ELFN2: variants seen among roughly 807,000 people sequenced by gnomAD.
The protein encoded by ELFN2 is protein phosphatase 1 regulatory subunit 29.
ELFN2 carries 17 observed loss-of-function variants against 45.5 expected under a neutral mutation model. The ratio of observed to expected loss-of-function variants is 0.37; its 90% confidence interval spans 0.26 to 0.56. The LOEUF is 0.56. ELFN2 is among the 20% of genes least tolerant of loss of function. The pLI is 0.77. For synonymous variants in ELFN2, 550 were observed against 551.5 expected, an observed-to-expected ratio of 1.00 and a Z score of 0.04; for missense variants, 922 against 1,183.2, an observed-to-expected ratio of 0.78 and a Z score of 3.24.
chr22:37,393,396 GC>G (rs1932131926), intron 2 of ELFN2, among the ~76,000 whole-genome samples: 1 of 152,240 alleles, frequency 6.6e-6, no homozygotes, highest in Non-Finnish European at 1.5e-5. Context: ...CCTGGCACTG[GC>G]CCATCATCCT....
At chr22:37,354,645 G>C (rs545219974) in intron 1 of ELFN2, 16 of 145,662 alleles carry the variant, frequency 1.1e-4, no homozygotes, top group African/African-American at 3.8e-4. Flanking sequence ...GTACAAATGA[G>C]ATCCTACCAT....
At chr22:37,414,527 TC>T (rs1932730443) in intron 2 of ELFN2, among the ~76,000 whole-genome samples, 1 of 152,212 alleles carries the variant, frequency 6.6e-6, no homozygotes, top group African/African-American at 2.4e-5. Flanking sequence ...AACCCCTTGC[TC>T]CTTGCCTTCC....
At chr22:37,422,028 G>A (rs867679988) in intron 1 of ELFN2, among the ~76,000 whole-genome samples, 1 of 152,180 alleles carries the variant, frequency 6.6e-6, no homozygotes, top group Non-Finnish European at 1.5e-5. Context: ...GGCAGCCTTG[G>A]GATTCATTCC....
In ELFN2 at chr22:37,405,992, C is replaced by T. The variant is rs138361545; in HGVS notation, c.-463+11777G>A. Among the ~76,000 whole-genome samples, 516 of 152,018 alleles carry T rather than the reference C, an allele frequency of 3.4e-3. 3 individuals are homozygous for T. Among genetic ancestry groups the T allele is most frequent in the Middle Eastern group, 0.02 (6 of 294 alleles). On this transcript the variant is annotated intron_variant, in intron 2 of 2. Transcript: ENST00000402918. ...TCTCCACAAAAAAGTTTTTTAAAAA[C>T]TTAGCTGGGCATAGTGAGACGCACC... is the stretch of plus-strand genomic sequence containing the variant.
At chr22:37,349,727 C>T (rs1930781056) in intron 1 of ELFN2, among the ~76,000 whole-genome samples, 1 of 151,156 alleles carries the variant, frequency 6.6e-6, no homozygotes, top group South Asian at 2.1e-4. Context: ...CCACCATCAT[C>T]TTACACCTCC....
In ELFN2 at chr22:37,381,067, G is replaced by A. The variant is rs76498921; in HGVS notation, c.-462-5071C>T. Among the ~76,000 whole-genome samples the A allele has an allele frequency of 1.2e-4, 18 of 152,276 alleles. 1 individual carries two copies. The East Asian group carries it at 3.3e-3, about 28-fold the overall frequency. Reference sequence around the variant, plus strand: ...TTGAATGCTGAGCTGTGTGACATCAGGCACATTACCTAACTCCTCTGGGCT... The same window carrying A: ...TTGAATGCTGAGCTGTGTGACATCAAGCACATTACCTAACTCCTCTGGGCT... On this transcript the variant is annotated intron_variant, in intron 2 of 2. Coordinates refer to ENST00000402918, the MANE Select transcript of ELFN2 (RefSeq NM_052906.5).
intron 2 of ELFN2, among the ~76,000 whole-genome samples, chr22:37,416,211 G>A (rs1351532756): frequency 6.6e-6 from 1 of 152,228 alleles, no homozygotes; most frequent in Admixed American, 6.5e-5. Flanking sequence ...TGAATGAAAT[G>A]CTGCTTCAGG....
In ELFN2 at chr22:37,375,615, C is replaced by T; in HGVS notation, c.-81G>A. ...AGGCTGGGGCTGGCAGTACAGTCCT[C>T]CCTGGGGCCGCCACCATCTTGGGGG... On this transcript the variant is annotated 5_prime_UTR_variant, in exon 3 of 3. Coordinates refer to ENST00000402918, the MANE Select transcript of ELFN2 (RefSeq NM_052906.5). 6.9e-7 allele frequency: 1 copy of T among 1,440,370 alleles called. No individual in the cohort carries two copies. Among genetic ancestry groups the T allele is most frequent in the Non-Finnish European group, 9.2e-7 (1 of 1,090,194 alleles). The allele number at this position is 1,440,370 out of a possible 1,614,324, so 89.2% of individuals were successfully genotyped here. A position where few individuals can be genotyped will look rare whatever the true frequency, so the allele number is the denominator to read the frequency against.
intron 2 of ELFN2, among the ~76,000 whole-genome samples, chr22:37,401,818 C>A (rs1030295397): frequency 6.6e-6 from 1 of 152,226 alleles, no homozygotes; most frequent in Non-Finnish European, 1.5e-5. Context: ...TATTCTTCCC[C>A]AGCTCCACAA....
At chr22:37,364,536 C>A (rs1464358916), downstream of ELFN2, among the ~76,000 whole-genome samples, 2 of 152,122 alleles carry the variant, frequency 1.3e-5, no homozygotes, top group African/African-American at 4.8e-5. Context: ...AGGGTCCCCA[C>A]AGTTCAGCCA....
At chr22:37,357,436 C>T (rs986759436) in intron 1 of ELFN2, among the ~76,000 whole-genome samples, 1 of 152,198 alleles carries the variant, frequency 6.6e-6, no homozygotes, top group African/African-American at 2.4e-5. Flanking sequence ...TAGGTTTCTT[C>T]GCCATTTTTA....
chr22:37,357,379 T>C (rs1930977206), intron 1 of ELFN2, among the ~76,000 whole-genome samples: 1 of 152,238 alleles, frequency 6.6e-6, no homozygotes, highest in South Asian at 2.1e-4. Context: ...AGGTGGATAC[T>C]GGAGAACAGC....
chr22:37,426,639 A>G (rs915778512), intron 1 of ELFN2, among the ~76,000 whole-genome samples: 9 of 119,414 alleles, frequency 7.5e-5, no homozygotes, highest in African/African-American at 2.3e-4. Flanking sequence ...ACGCGCTCGC[A>G]CACACACACA....
intron 2 of ELFN2, among the ~76,000 whole-genome samples, chr22:37,397,541 G>C (rs1399803777): frequency 1.3e-5 from 2 of 152,206 alleles, no homozygotes; most frequent in African/African-American, 4.8e-5. Context: ...GGTGCAGAGG[G>C]ACAGGGAAAG....
At chr22:37,415,067 C>T (rs552025627) in intron 2 of ELFN2, among the ~76,000 whole-genome samples, 76 of 152,338 alleles carry the variant, frequency 5.0e-4, no homozygotes, top group African/African-American at 1.6e-3. Flanking sequence ...ACATGCCCAA[C>T]GGCAGCTTCC....
chr22:37,405,088 GCATTT>G (rs1932462189), intron 2 of ELFN2, among the ~76,000 whole-genome samples: 1 of 85,800 alleles, frequency 1.2e-5, no homozygotes, highest in African/African-American at 4.0e-5. Flanking sequence ...CTGAACCTCA[GCATTT>G]TTTTTTTTTT....
chr22:37,347,377 G>A (rs999567970), intron 1 of ELFN2, among the ~76,000 whole-genome samples: 4 of 152,092 alleles, frequency 2.6e-5, no homozygotes, highest in African/African-American at 9.7e-5. Context: ...AGACATTACT[G>A]CCTCGCTCAA....
chr22:37,357,200 A>T (rs544167188), intron 1 of ELFN2, among the ~76,000 whole-genome samples: 13 of 152,334 alleles, frequency 8.5e-5, no homozygotes, highest in Non-Finnish European at 1.6e-4. Flanking sequence ...AAAGGAAATA[A>T]GGAACACCTG....
At chr22:37,381,955 CAAAAAAAAAAAAAAAAAAAAAAAAA>C (rs1159476533) in intron 2 of ELFN2, among the ~76,000 whole-genome samples, 3 of 59,178 alleles carry the variant, frequency 5.1e-5, no homozygotes, top group Admixed American at 2.6e-4. Flanking sequence ...GACTCCGTCT[CAAAAAAAAAAAAAAAAAAAAAAAAA>C]AAAAAAAAAA....
Sources: gnomAD v4.1 joint callset for allele counts (sites outside exome capture counted in the v4.1 genomes callset) on GRCh38, gnomAD v4.1.1 for gene constraint, MANE v1.5 for transcripts, NCBI Gene and HGNC (gene_info 2026-07-23, HGNC 2026-07-21) for gene names.